Variants in RASAL2 observed in about 807,000 individuals in gnomAD.
RASAL2 encodes the protein ras GTPase-activating protein nGAP.
RASAL2 carries 58 observed loss-of-function variants against 128.9 expected under a neutral mutation model. The observed-to-expected ratio is 0.45, with a 90% confidence interval of 0.36 to 0.56. The LOEUF is 0.56. Ranked by LOEUF, RASAL2 falls within the 20% of genes least tolerant of loss-of-function variation. RASAL2 has a pLI of 0.00. For missense variants in RASAL2, 1,360 were observed against 1,601.6 expected, an observed-to-expected ratio of 0.85 and a Z score of 2.57; for synonymous variants, 561 against 580.8, an observed-to-expected ratio of 0.97 and a Z score of 0.49.
chr1:178,360,478 ATAGT>A (rs1211625051), intron 3 of RASAL2, among the ~76,000 whole-genome samples: 1 of 152,176 alleles, frequency 6.6e-6, no homozygotes. Flanking sequence ...TCCCTACTGA[ATAGT>A]TCTTTGGTGT....
chr1:178,320,655 A>T (rs576876151), intron 3 of RASAL2, among the ~76,000 whole-genome samples: 1 of 152,188 alleles, frequency 6.6e-6, no homozygotes, highest in South Asian at 2.1e-4. Flanking sequence ...TTTGGCTCGC[A>T]CACGGTGCGC....
At chr1:178,183,213 G>T (rs1402223425) in intron 1 of RASAL2, among the ~76,000 whole-genome samples, 4 of 152,180 alleles carry the variant, frequency 2.6e-5, no homozygotes, top group Non-Finnish European at 5.9e-5. Context: ...ACTTAGGACA[G>T]CACCCTTTCC....
intron 3 of RASAL2, among the ~76,000 whole-genome samples, chr1:178,352,429 T>G (rs1056787314): frequency 6.6e-6 from 1 of 152,194 alleles, no homozygotes; most frequent in East Asian, 1.9e-4. Flanking sequence ...CAGGACACAC[T>G]GATGTGAGAG....
At chr1:178,449,164 A>T (rs2102874493) in intron 9 of RASAL2, among the ~76,000 whole-genome samples, 1 of 152,286 alleles carries the variant, frequency 6.6e-6, no homozygotes, top group South Asian at 2.1e-4. Flanking sequence ...ATAGTGTACG[A>T]TATCTGTCTG....
chr1:178,399,873 G>A (rs1222428237), intron 4 of RASAL2, among the ~76,000 whole-genome samples: 1 of 152,064 alleles, frequency 6.6e-6, no homozygotes, highest in Non-Finnish European at 1.5e-5. Flanking sequence ...TTTAGCCTTC[G>A]CTCTGCTGCC....
intron 3 of RASAL2, among the ~76,000 whole-genome samples, chr1:178,332,542 T>C (rs1057066736): frequency 6.6e-6 from 1 of 151,766 alleles, no homozygotes; most frequent in Non-Finnish European, 1.5e-5. Flanking sequence ...TGTTGTGGCC[T>C]GACACTTTGC....
intron 5 of RASAL2, among the ~76,000 whole-genome samples, chr1:178,433,443 C>T (rs546145275): frequency 3.2e-4 from 48 of 152,088 alleles, no homozygotes; most frequent in Middle Eastern, 6.8e-3. Context: ...GTACACAGAC[C>T]GTGCTTTTCT....
rs397982072 is a variant in RASAL2 at position 178,136,756 on chromosome 1, C to CAAA, written c.202+42090_202+42092dup. ...TAGGTGACAAAGTGAGACTCTGTCT[C>CAAA]AAAAAAAAAAAAAAAAAAAAAAAAA... On this transcript the variant is annotated intron_variant, in intron 1 of 17. Coordinates refer to ENST00000367649, the MANE Select transcript of RASAL2 (RefSeq NM_170692.4). Among the ~76,000 whole-genome samples, 214 of 47,206 alleles carry CAAA rather than the reference C, an allele frequency of 4.5e-3. 12 individuals are homozygous for CAAA. Among genetic ancestry groups the CAAA allele is most frequent in the Middle Eastern group, 0.037 (2 of 54 alleles). 31.0% of individuals were successfully genotyped at this position (47,206 alleles called of 152,430 possible). A position where few individuals can be genotyped will look rare whatever the true frequency, so the allele number is the denominator to read the frequency against.
chr1:178,236,710 T>C lies in RASAL2; in HGVS notation c.203-46854T>C, dbSNP rs564311192. Among the ~76,000 whole-genome samples the C allele has an allele frequency of 8.6e-4, 131 of 152,220 alleles. No individual in the cohort carries two copies. The Middle Eastern group carries it at 0.01, about 12-fold the overall frequency. ...CAAAACACTAGGCTTCTCTAGCTTT[T>C]ACTTATGAGCAAAACTTAATCTGTG... On this transcript the variant is annotated intron_variant, in intron 1 of 17. Coordinates refer to ENST00000367649, the MANE Select transcript of RASAL2 (RefSeq NM_170692.4).
At chr1:178,278,578 A>G (rs1335291819) in intron 1 of RASAL2, among the ~76,000 whole-genome samples, 2 of 152,222 alleles carry the variant, frequency 1.3e-5, no homozygotes, top group Non-Finnish European at 2.9e-5. Context: ...TTCAAAAGCA[A>G]CTCAGATGAA....
At chr1:178,213,376 A>C (rs1037004317) in intron 1 of RASAL2, among the ~76,000 whole-genome samples, 2 of 152,166 alleles carry the variant, frequency 1.3e-5, no homozygotes, top group African/African-American at 4.8e-5. Flanking sequence ...TGCCTACCTT[A>C]CGACCAGCAA....
chr1:178,348,862 C>T (rs1411895092), intron 3 of RASAL2, among the ~76,000 whole-genome samples: 37 of 150,176 alleles, frequency 2.5e-4, no homozygotes, highest in East Asian at 2.0e-3. Flanking sequence ...TGCAGTGGCG[C>T]GATCTCGGCT....
At chr1:178,371,322 C>CACACACACACACACACACACA (rs1671685261) in intron 3 of RASAL2, among the ~76,000 whole-genome samples, 7 of 124,372 alleles carry the variant, frequency 5.6e-5, no homozygotes, top group African/African-American at 1.7e-4. Context: ...GCCTTCTTTC[C>CACACACACACACACACACACA]CACACACACA....
chr1:178,163,416 C>G (rs1259726505), intron 1 of RASAL2, among the ~76,000 whole-genome samples: 1 of 152,054 alleles, frequency 6.6e-6, no homozygotes. Context: ...ATGTTTTCTT[C>G]TAAGAGTTTT....
intron 12 of RASAL2, 88 bp from the exon 13 acceptor site, chr1:178,456,633 C>CA: frequency 1.4e-6 from 2 of 1,385,254 alleles, no homozygotes; most frequent in Non-Finnish European, 2.1e-6. Context: ...TACACCCCTC[C>CA]ATCAATGGCC....
intron 1 of RASAL2, among the ~76,000 whole-genome samples, chr1:178,134,044 TA>T (rs1660219981): frequency 3.9e-5 from 6 of 152,232 alleles, no homozygotes; most frequent in Non-Finnish European, 7.3e-5. Flanking sequence ...AAACTACCCC[TA>T]AACTTAGCAG....
At chr1:178,187,688 T>G (rs1406904916) in intron 1 of RASAL2, among the ~76,000 whole-genome samples, 1 of 152,210 alleles carries the variant, frequency 6.6e-6, no homozygotes, top group East Asian at 1.9e-4. Context: ...ATGACTGGGT[T>G]TAAACTTCTT....
chr1:178,163,702 A>G (rs748187504), intron 1 of RASAL2, among the ~76,000 whole-genome samples: 1 of 152,138 alleles, frequency 6.6e-6, no homozygotes, highest in Non-Finnish European at 1.5e-5. Context: ...AAGTTTTGAG[A>G]TTGGGAAAAT....
intron 1 of RASAL2, among the ~76,000 whole-genome samples, chr1:178,187,003 A>AT: frequency 6.6e-6 from 1 of 151,382 alleles, no homozygotes; most frequent in Non-Finnish European, 1.5e-5. Context: ...GTTCATTTTT[A>AT]TTTTTTGTGG....
Sources: allele counts gnomAD v4.1 joint callset (sites outside exome capture counted in the v4.1 genomes callset), GRCh38; gene constraint gnomAD v4.1.1; transcripts MANE v1.5; gene names NCBI Gene and HGNC (gene_info 2026-07-23, HGNC 2026-07-21).